The following GRIA2 variants were observed in gnomAD, a reference collection of about 807,000 sequenced individuals.
The protein encoded by GRIA2 is glutamate receptor 2.
A neutral mutation model predicts 97.3 loss-of-function variants in GRIA2; 14 were observed. That is an observed-to-expected ratio of 0.14 (90% CI 0.10 to 0.23). GRIA2 has a LOEUF of 0.23. GRIA2 is among the 10% of genes least tolerant of loss of function. GRIA2 has a pLI of 1.00. For missense variants in GRIA2, 558 were observed against 1,069.8 expected (o/e 0.52, Z 6.67); for synonymous variants, 412 against 387.8 (o/e 1.06, Z -0.73).
chr4:157,232,486 T>G (rs1457056563), intron 2 of GRIA2, among the ~76,000 whole-genome samples: 1 of 152,224 alleles, frequency 6.6e-6, no homozygotes, highest in South Asian at 2.1e-4. Flanking sequence ...AATTTTGGCT[T>G]TATAATTTTC....
At chr4:157,308,615 T>G (rs1733943222) in intron 3 of GRIA2, among the ~76,000 whole-genome samples, 1 of 152,200 alleles carries the variant, frequency 6.6e-6, no homozygotes, top group Non-Finnish European at 1.5e-5. Context: ...AATGTAGTAC[T>G]ATGGATATTA....
At chr4:157,230,657 C>T (rs1470821747) in intron 2 of GRIA2, among the ~76,000 whole-genome samples, 1 of 149,952 alleles carries the variant, frequency 6.7e-6, no homozygotes, top group Non-Finnish European at 1.5e-5. Context: ...GTTTAAGCAT[C>T]TCTTTCATTT....
intron 5 of GRIA2, among the ~76,000 whole-genome samples, chr4:157,320,863 C>CA (rs1353756678): frequency 6.6e-6 from 1 of 151,982 alleles, no homozygotes; most frequent in Non-Finnish European, 1.5e-5. Context: ...GAATTCATTG[C>CA]AATAACACAA....
intron 7 of GRIA2, 119 bp from the exon 8 acceptor site, chr4:157,333,130 G>A (rs1200565417): frequency 8.8e-6 from 8 of 906,410 alleles, no homozygotes; most frequent in Non-Finnish European, 1.3e-5. Flanking sequence ...AGGTTGAAGA[G>A]AGAAACAAAT....
At chr4:157,261,584 A>C (rs1227533886) in intron 2 of GRIA2, among the ~76,000 whole-genome samples, 2 of 152,170 alleles carry the variant, frequency 1.3e-5, no homozygotes, top group Non-Finnish European at 2.9e-5. Context: ...AATCTAATTC[A>C]CTGAATGACA....
At chr4:157,345,077 T>A (rs978300077) in intron 12 of GRIA2, among the ~76,000 whole-genome samples, 1 of 152,114 alleles carries the variant, frequency 6.6e-6, no homozygotes, top group African/African-American at 2.4e-5. Flanking sequence ...TCTAAGATAT[T>A]TTCAGATTTC....
intron 2 of GRIA2, among the ~76,000 whole-genome samples, chr4:157,271,686 C>T (rs1257438644): frequency 6.6e-6 from 1 of 152,066 alleles, no homozygotes; most frequent in Non-Finnish European, 1.5e-5. Flanking sequence ...ACTTAGTCTT[C>T]AGCCTCTCTG....
chr4:157,270,088 T>C (rs1731948844), intron 2 of GRIA2, among the ~76,000 whole-genome samples: 1 of 152,162 alleles, frequency 6.6e-6, no homozygotes, highest in African/African-American at 2.4e-5. Flanking sequence ...GTATAAACTG[T>C]TTTCATAATT....
At chr4:157,232,912 T>C (rs901935452) in intron 2 of GRIA2, among the ~76,000 whole-genome samples, 1 of 152,232 alleles carries the variant, frequency 6.6e-6, no homozygotes, top group African/African-American at 2.4e-5. Context: ...CATCTCAGTT[T>C]CTACCTCTGT....
intron 2 of GRIA2, among the ~76,000 whole-genome samples, chr4:157,273,525 A>G (rs193125236): frequency 4.9e-4 from 74 of 152,198 alleles, no homozygotes; most frequent in Admixed American, 7.2e-4. Context: ...GTAAGCATAG[A>G]TAGAAATTCT....
intron 12 of GRIA2, among the ~76,000 whole-genome samples, chr4:157,356,050 T>G (rs1232392014): frequency 8.7e-6 from 1 of 115,594 alleles, no homozygotes; most frequent in African/African-American, 3.4e-5. Context: ...TATATATGTA[T>G]TTATATATAT....
At chr4:157,265,185 C>A (rs1731714422) in intron 2 of GRIA2, among the ~76,000 whole-genome samples, 1 of 152,134 alleles carries the variant, frequency 6.6e-6, no homozygotes, top group Middle Eastern at 3.4e-3. Flanking sequence ...ACCAGTAACT[C>A]TGGTGAGCAT....
intron 12 of GRIA2, among the ~76,000 whole-genome samples, chr4:157,351,263 G>A (rs754464675): frequency 7.9e-5 from 12 of 151,972 alleles, no homozygotes; most frequent in East Asian, 5.8e-4. Flanking sequence ...TGTTTTGATC[G>A]TAATCAAGAT....
intron 2 of GRIA2, among the ~76,000 whole-genome samples, chr4:157,299,095 A>T (rs1733496981): frequency 6.6e-6 from 1 of 152,136 alleles, no homozygotes; most frequent in Admixed American, 6.6e-5. Flanking sequence ...TGTGGAAAAG[A>T]ATTAGAAGAG....
intron 2 of GRIA2, among the ~76,000 whole-genome samples, chr4:157,294,926 T>C (rs1733275757): frequency 1.3e-5 from 2 of 152,096 alleles, no homozygotes; most frequent in Non-Finnish European, 2.9e-5. Context: ...ACTATATGAA[T>C]TTATAAGGAG....
At chr4:157,357,750 G>A (rs1460948598) in intron 12 of GRIA2, among the ~76,000 whole-genome samples, 1 of 152,062 alleles carries the variant, frequency 6.6e-6, no homozygotes, top group Non-Finnish European at 1.5e-5. Context: ...TGCAAAGACA[G>A]CGATCAACAG....
At chr4:157,336,841 C>T in intron 11 of GRIA2, 94 bp downstream of exon 11, 1 of 1,163,180 alleles carries the variant, frequency 8.6e-7, no homozygotes, top group South Asian at 1.4e-5. Flanking sequence ...TTACCAGCTG[C>T]CGACTTCCTG....
intron 9 of GRIA2, chr4:157,335,445 A>G: frequency 1.9e-6 from 1 of 534,560 alleles, no homozygotes; most frequent in Non-Finnish European, 3.4e-6. Flanking sequence ...TTAACTCAGT[A>G]TGCTTGCATA....
chr4:157,318,423 A>C (rs539642361), intron 5 of GRIA2, among the ~76,000 whole-genome samples: 1 of 152,308 alleles, frequency 6.6e-6, no homozygotes, highest in East Asian at 1.9e-4. Flanking sequence ...ATGAAAATTA[A>C]ATTTCTGTAG....
Sources: allele counts gnomAD v4.1 joint callset (sites outside exome capture counted in the v4.1 genomes callset), GRCh38; gene constraint gnomAD v4.1.1; transcripts MANE v1.5; gene names NCBI Gene and HGNC (gene_info 2026-07-23, HGNC 2026-07-21).